Variants in RPH3A observed in about 807,000 individuals in gnomAD.
RPH3A encodes the protein rabphilin-3A.
Under a neutral mutation model 102.2 loss-of-function variants are expected in RPH3A, and 48 were observed. The ratio of observed to expected loss-of-function variants is 0.47; its 90% CI spans 0.37 to 0.60. The LOEUF (loss-of-function observed/expected upper bound fraction) is 0.60, where lower values mean the gene tolerates loss of function less well. RPH3A is among the 20% of genes least tolerant of loss of function. The pLI, the probability that RPH3A is intolerant of heterozygous loss-of-function variation, is 0.00. For synonymous variants in RPH3A, 310 were observed against 324.3 expected, an observed-to-expected ratio of 0.96 and a Z score of 0.47; for missense variants, 781 against 910.1, an observed-to-expected ratio of 0.86 and a Z score of 1.83.
intron 1 of RPH3A, among the ~76,000 whole-genome samples, chr12:112,674,601 G>A (rs1374112541): frequency 6.6e-6 from 1 of 152,048 alleles, no homozygotes; most frequent in Non-Finnish European, 1.5e-5. Context: ...GAGGAGAGAG[G>A]GATTGTTTTG....
At chr12:112,860,940 C>A (rs1204662797) in intron 5 of RPH3A, among the ~76,000 whole-genome samples, 2 of 152,232 alleles carry the variant, frequency 1.3e-5, no homozygotes, top group Non-Finnish European at 2.9e-5. Flanking sequence ...TTTTATAATT[C>A]TATGGCATTG....
intron 1 of RPH3A, among the ~76,000 whole-genome samples, chr12:112,729,960 A>G (rs2040621427): frequency 6.6e-6 from 1 of 152,160 alleles, no homozygotes; most frequent in South Asian, 2.1e-4. Flanking sequence ...CCCTAATCCA[A>G]TATGACTGCT....
In RPH3A at chr12:112,875,108, A is replaced by C; in HGVS notation, c.821A>C (p.Gln274Pro). The C allele has an allele frequency of 6.2e-7, 1 of 1,609,892 alleles. No homozygotes were observed. The highest frequency in any genetic ancestry group is 8.5e-7 in the Non-Finnish European group (1 of 1,178,614). The change falls in exon 11 of 22, where the codon CAG becomes CCG. Residue 274 changes from glutamine to proline, a missense_variant. Gln to Pro is a moderately conservative substitution (Grantham distance 76). Transcript: ENST00000389385. Reference protein sequence around the residue: ...PAGLRRANSVQASRPAPGSVQ... With the variant: ...PAGLRRANSVPASRPAPGSVQ... ...GGTTTGAGACGGGCCAACTCAGTCC[A>C]GGCCTCCAGACCTGCCCCAGGCTCG...
chr12:112,823,265 T>A (rs948531013), intron 2 of RPH3A, among the ~76,000 whole-genome samples: 1 of 152,204 alleles, frequency 6.6e-6, no homozygotes, highest in Non-Finnish European at 1.5e-5. Context: ...GAGTAGTGAG[T>A]AAGCACATGG....
At chr12:112,608,003 G>A (rs1277134727) in intron 1 of RPH3A, among the ~76,000 whole-genome samples, 3 of 152,010 alleles carry the variant, frequency 2.0e-5, no homozygotes, top group African/African-American at 7.2e-5. Flanking sequence ...AAAGCCAAAG[G>A]GGATGATTTG....
At chr12:112,841,644 G>A (rs375968159) in intron 4 of RPH3A, among the ~76,000 whole-genome samples, 1 of 151,966 alleles carries the variant, frequency 6.6e-6, no homozygotes, top group Admixed American at 6.6e-5. Flanking sequence ...CAAAGTCACA[G>A]AGTGCCAGGG....
At chr12:112,653,558 T>C (rs987584689) in intron 1 of RPH3A, among the ~76,000 whole-genome samples, 1 of 152,126 alleles carries the variant, frequency 6.6e-6, no homozygotes, top group African/African-American at 2.4e-5. Flanking sequence ...CCACTTAGGC[T>C]ACACTTAATT....
chr12:112,740,322 G>A lies in RPH3A; in HGVS notation c.-139-51821G>A, dbSNP rs562439561. On this transcript the variant is annotated intron_variant, in intron 1 of 21. Transcript: ENST00000543106. ...TGCATTTCCCGCAACAATTTAAGCA[G>A]CATAATGAATTCTATAGTTAGCCAG... is the stretch of plus-strand genomic sequence containing the variant. Among the ~76,000 whole-genome samples the A allele has an allele frequency of 6.6e-5, 10 of 152,286 alleles. No individual in the cohort carries two copies. In the South Asian group the frequency reaches 2.1e-3, roughly 32 times the overall value.
chr12:112,869,895 C>G lies in RPH3A; in HGVS notation c.652C>G (p.Pro218Ala). Residue 218 changes from proline to alanine, a missense_variant and splice_region_variant, in exon 10 of 22, where the codon CCT (proline) becomes GCT (alanine). By Grantham distance (27) the Pro-to-Ala change is conservative. This residue lies in a region of RPH3A where 730 missense variants were observed against 810.0 expected (regional missense o/e 0.90). Coordinates refer to ENST00000389385, the MANE Select transcript of RPH3A (RefSeq NM_001143854.2). The part of the protein sequence containing the change: ...DRRGPGQKTG[P>A]DPASAPGRGN... ...TCAATTCATGCTCTTCTTTCCAGGC[C>G]CTGACCCAGCCTCTGCTCCCGGGCG... 6.2e-7 allele frequency: 1 copy of G among 1,614,042 alleles called. No homozygotes were observed. The highest frequency in any genetic ancestry group is 8.5e-7 in the Non-Finnish European group (1 of 1,179,976).
intron 1 of RPH3A, among the ~76,000 whole-genome samples, chr12:112,578,615 T>C (rs1334749440): frequency 6.6e-6 from 1 of 152,228 alleles, no homozygotes; most frequent in Non-Finnish European, 1.5e-5. Context: ...ATATGCCCTA[T>C]GAACTTCATT....
intron 1 of RPH3A, among the ~76,000 whole-genome samples, chr12:112,703,512 A>C (rs1001465707): frequency 1.3e-5 from 2 of 152,248 alleles, no homozygotes; most frequent in African/African-American, 4.8e-5. Context: ...AAATATAGTC[A>C]TAATTCAGCA....
chr12:112,679,613 A>G (rs1033437974), intron 1 of RPH3A, among the ~76,000 whole-genome samples: 1 of 152,150 alleles, frequency 6.6e-6, no homozygotes. Flanking sequence ...TTTAGTATAA[A>G]TGGGGTTTCA....
chr12:112,752,622 G>A (rs1421373887), intron 1 of RPH3A, among the ~76,000 whole-genome samples: 1 of 143,214 alleles, frequency 7.0e-6, no homozygotes. Context: ...GAGAAGGCAA[G>A]TCTCAATTTC....
chr12:112,691,226 G>GTTTTAGCCGGGA (rs2040304593), intron 1 of RPH3A, among the ~76,000 whole-genome samples: 1 of 151,974 alleles, frequency 6.6e-6, no homozygotes, highest in Non-Finnish European at 1.5e-5. Flanking sequence ...GGGTTTCACC[G>GTTTTAGCCGGGA]TGGTCTCGAT....
At chr12:112,804,276 CA>C (rs1359247441) in intron 2 of RPH3A, among the ~76,000 whole-genome samples, 1 of 152,190 alleles carries the variant, frequency 6.6e-6, no homozygotes, top group African/African-American at 2.4e-5. Context: ...CAGTCACAGA[CA>C]GGCTGGAAAA....
At chr12:112,730,632 C>A (rs2040626524) in intron 1 of RPH3A, among the ~76,000 whole-genome samples, 1 of 152,292 alleles carries the variant, frequency 6.6e-6, no homozygotes, top group Admixed American at 6.5e-5. Flanking sequence ...CCCTAGGAAA[C>A]ATTTTGCACC....
At chr12:112,705,381 C>T (rs185820490) in intron 1 of RPH3A, among the ~76,000 whole-genome samples, 2 of 152,300 alleles carry the variant, frequency 1.3e-5, no homozygotes, top group East Asian at 3.9e-4. Context: ...AAACAGACAA[C>T]TAGAAATTCT....
At chr12:112,768,256 A>T (rs966125468) in intron 1 of RPH3A, among the ~76,000 whole-genome samples, 2 of 152,112 alleles carry the variant, frequency 1.3e-5, no homozygotes, top group Non-Finnish European at 2.9e-5. Context: ...CTTGCTCCCC[A>T]TCAGAACATT....
chr12:112,673,763 C>T (rs978790431), intron 1 of RPH3A, among the ~76,000 whole-genome samples: 3 of 152,080 alleles, frequency 2.0e-5, no homozygotes, highest in East Asian at 1.9e-4. Flanking sequence ...GCTATCAAAT[C>T]GTAGGTCTTA....
Sources: gnomAD v4.1 joint callset for allele counts (sites outside exome capture counted in the v4.1 genomes callset) on GRCh38, gnomAD v4.1.1 for gene constraint, gnomAD v4.1.1 regional missense constraint, MANE v1.5 for transcripts, NCBI Gene and HGNC (gene_info 2026-07-23, HGNC 2026-07-21) for gene names.